The following GPR37 variants were observed in gnomAD, a reference collection of about 807,000 sequenced individuals.
The protein encoded by GPR37 is prosaposin receptor GPR37.
GPR37 carries 20 observed loss-of-function variants against 43.6 expected under a neutral mutation model. The ratio of observed to expected loss-of-function variants is 0.46; its 90% CI spans 0.32 to 0.67. GPR37 has a LOEUF of 0.67. GPR37 is among the 30% of genes least tolerant of loss of function. The pLI, the probability that GPR37 is intolerant of heterozygous loss-of-function variation, is 0.03. For missense variants in GPR37, 724 were observed against 797.2 expected (o/e 0.91, Z 1.11); for synonymous variants, 315 against 322.6 (o/e 0.98, Z 0.25).
chr7:124,758,627 A>G lies in GPR37; in HGVS notation c.1023+5327T>C, dbSNP rs570788935. ...TCTTGTCAGTGCTAGCTACAATCTA[A>G]GGCAATGAAAGAGCCATTTGTTCCA... is the stretch of plus-strand genomic sequence containing the variant. On this transcript the variant is annotated intron_variant, in intron 1 of 1. Coordinates refer to ENST00000303921, the MANE Select transcript of GPR37 (RefSeq NM_005302.5). 6.6e-5 allele frequency among the ~76,000 whole-genome samples: 10 copies of G among 152,356 alleles called. No individual in the cohort carries two copies. In the South Asian group the frequency reaches 1.9e-3, roughly 28 times the overall value.
At position 124,745,739 on chromosome 7, in the gene GPR37, G is replaced by C. The variant is rs1014990069; in HGVS notation, c.*786C>G. On this transcript the variant is annotated 3_prime_UTR_variant, in exon 2 of 2. Transcript: ENST00000303921. Reference sequence around the variant, plus strand: ...CTGTAGCTCTATGTGCTAGTTCAGAGGTGAATTTTTTAAAAAAGAAACTTT... The same window carrying C: ...CTGTAGCTCTATGTGCTAGTTCAGACGTGAATTTTTTAAAAAAGAAACTTT... 6.6e-6 allele frequency among the ~76,000 whole-genome samples: 1 copy of C among 151,988 alleles called. No homozygotes were observed. The highest frequency in any genetic ancestry group is 2.1e-4 in the South Asian group (1 of 4,824).
chr7:124,761,154 CAA>C (rs60967099), intron 1 of GPR37, among the ~76,000 whole-genome samples: 7,437 of 77,290 alleles, frequency 0.096, 196 homozygotes, highest in Middle Eastern at 0.13. Flanking sequence ...GACTCCGTCT[CAA>C]AAAAAAAAAA....
At chr7:124,755,855 G>A (rs1793785537) in intron 1 of GPR37, among the ~76,000 whole-genome samples, 1 of 151,986 alleles carries the variant, frequency 6.6e-6, no homozygotes, top group African/African-American at 2.4e-5. Flanking sequence ...CTTACCTTGG[G>A]GTTCTGATGA....
chr7:124,753,944 G>A (rs1793763289), intron 1 of GPR37, among the ~76,000 whole-genome samples: 1 of 152,016 alleles, frequency 6.6e-6, no homozygotes, highest in South Asian at 2.1e-4. Flanking sequence ...CGGTCAGTAA[G>A]TTACATGACA....
chr7:124,764,178 G>A lies in GPR37; in HGVS notation c.799C>T (p.Leu267=). ...ESYGAYAVMC[L]SVVIFGTGII... ...CCGGTCCCGAAGATCACCACGGACA[G>A]ACACATGACCGCGTAGGCTCCATAG... The change falls in exon 1 of 2, where the codon CTG becomes TTG. Residue 267 remains leucine, a synonymous_variant. Coordinates refer to ENST00000303921, the MANE Select transcript of GPR37 (RefSeq NM_005302.5). The surrounding 1 kb of genome is among the most constrained non-coding windows in gnomAD (Gnocchi z 5.4). 1 of 1,597,504 alleles carries A rather than the reference G, an allele frequency of 6.3e-7. No homozygotes were observed. The highest frequency in any genetic ancestry group is 8.5e-7 in the Non-Finnish European group (1 of 1,171,172).
Position 124,765,079 on chromosome 7 carries a change from C to A in GPR37, c.-103G>T, listed in dbSNP as rs1793904497. On this transcript the variant is annotated 5_prime_UTR_variant, in exon 1 of 2. Coordinates refer to ENST00000303921, the MANE Select transcript of GPR37 (RefSeq NM_005302.5). ...GAGTTAGGCACATGTCACATACTCA[C>A]CCCCGCCCGGGTAGCGGGGAACCGG... The A allele has an allele frequency of 9.0e-6, 10 of 1,113,158 alleles. No individual in the cohort carries two copies. The highest frequency in any genetic ancestry group is 6.0e-5 in the East Asian group (2 of 33,468). 69.0% of individuals were successfully genotyped at this position (1,113,158 alleles called of 1,614,324 possible). A position where few individuals can be genotyped will look rare whatever the true frequency, so the allele number is the denominator to read the frequency against.
chr7:124,760,622 A>C (rs73719044), intron 1 of GPR37, among the ~76,000 whole-genome samples: 17,824 of 152,218 alleles, frequency 0.12, 1,358 homozygotes, highest in African/African-American at 0.21. Flanking sequence ...GGATTAAAAA[A>C]AGAAAAAATT....
At chr7:124,760,501 A>G (rs1375660969) in intron 1 of GPR37, among the ~76,000 whole-genome samples, 2 of 152,238 alleles carry the variant, frequency 1.3e-5, no homozygotes, top group Non-Finnish European at 2.9e-5. Context: ...AAAAAATTTT[A>G]ATTAACTACC....
At position 124,746,888 on chromosome 7, in the gene GPR37, T is replaced by C. The variant is rs530322862; in HGVS notation, c.1479A>G (p.Thr493=). 14 of 1,614,110 alleles carry C rather than the reference T, an allele frequency of 8.7e-6. No individual in the cohort carries two copies. The Admixed American group carries it at 1.3e-4, about 15-fold the overall frequency. ...CATATAAAATGGTCAGTGCCACTAC[T>C]GTACAGTTCATCTGACTCTCTAGTT... ...QIQLESQMNC[T]VVALTILYGF... is the part of the protein sequence containing the mutation. Residue 493 remains threonine (T), a synonymous_variant, in exon 2 of 2, where the codon ACA becomes ACG. Coordinates refer to ENST00000303921, the MANE Select transcript of GPR37 (RefSeq NM_005302.5).
intron 1 of GPR37, among the ~76,000 whole-genome samples, chr7:124,754,727 G>A (rs1048631946): frequency 6.6e-5 from 10 of 152,042 alleles, no homozygotes; most frequent in Non-Finnish European, 5.9e-5. Context: ...CAAAACAAGG[G>A]CATTATTGTT....
chr7:124,754,458 A>T (rs1793769652), intron 1 of GPR37, among the ~76,000 whole-genome samples: 1 of 152,292 alleles, frequency 6.6e-6, no homozygotes, highest in Non-Finnish European at 1.5e-5. Flanking sequence ...TGTCTTTCGC[A>T]AAACTTTCCG....
At position 124,764,490 on chromosome 7, in the gene GPR37, C is replaced by G. The variant is rs1008617077; in HGVS notation, c.487G>C (p.Gly163Arg). Residue 163 changes from glycine to arginine, a missense_variant, in exon 1 of 2, where the codon GGG becomes CGG. Gly to Arg is a moderately radical substitution (Grantham distance 125, BLOSUM62 -2). This residue lies in a region of GPR37 where 382 missense variants were observed against 355.4 expected (regional missense o/e 1.07). Transcript: ENST00000303921. This position sits in a 1 kb window ranked among gnomAD's most constrained non-coding sequence, Gnocchi z 5.4. ...TTCACACTCTGCTCCTGGCTACGCCCGGAAATGCCAGCGCCTCTGGGACCC... is the reference window on the plus strand; with the variant it reads ...TTCACACTCTGCTCCTGGCTACGCCGGGAAATGCCAGCGCCTCTGGGACCC... ...EKGPRGAGIS[G>R]RSQEQSVKTV... 5 of 1,613,640 alleles carry G rather than the reference C, an allele frequency of 3.1e-6. No individual in the cohort carries two copies. The highest frequency in any genetic ancestry group is 4.2e-6 in the Non-Finnish European group (5 of 1,180,030).
chr7:124,747,878 A>G (rs1305361924), intron 1 of GPR37, among the ~76,000 whole-genome samples: 2 of 152,270 alleles, frequency 1.3e-5, no homozygotes, highest in South Asian at 4.1e-4. Flanking sequence ...AATGCAAAAT[A>G]AAGTATTACA....
chr7:124,754,952 G>T lies in GPR37; in HGVS notation c.1024-7609C>A, dbSNP rs12673697. ...GGGAGATACTTTTTTGAGCACAAGTGGGGGAACAAGTTTATCAGAGCCACT... is the reference window on the plus strand; with the variant it reads ...GGGAGATACTTTTTTGAGCACAAGTTGGGGAACAAGTTTATCAGAGCCACT... On this transcript the variant is annotated intron_variant, in intron 1 of 1. Transcript: ENST00000303921. Among the ~76,000 whole-genome samples the T allele has an allele frequency of 3.8e-3, 583 of 151,884 alleles. 9 individuals are homozygous for T. The highest frequency in any genetic ancestry group is 0.012 in the African/African-American group (514 of 41,430).
rs1245992855 is a variant in GPR37 at position 124,764,355 on chromosome 7, C to T, written c.622G>A (p.Glu208Lys). The change falls in exon 1 of 2, where the codon GAA (glutamate) becomes AAA (lysine). Residue 208 changes from glutamate (E) to lysine (K), a missense_variant. By Grantham distance (56) the Glu-to-Lys change is moderately conservative. Around this residue, in one of 2 missense-constraint regions of GPR37, gnomAD observed 382 missense variants for 355.4 expected, o/e 1.07. Coordinates refer to ENST00000303921, the MANE Select transcript of GPR37 (RefSeq NM_005302.5). This position sits in a 1 kb window ranked among gnomAD's most constrained non-coding sequence, Gnocchi z 5.4. ...SKTANGLAGHEGWTIALPGRA... is the reference protein window; with the variant it reads ...SKTANGLAGHKGWTIALPGRA... ...CCCGGGAGTGCAATTGTCCACCCTT[C>T]GTGCCCCGCCAGTCCATTGGCCGTC... is the stretch of plus-strand genomic sequence containing the variant. 1 of 1,613,120 alleles carries T rather than the reference C, an allele frequency of 6.2e-7. No individual in the cohort carries two copies. Among genetic ancestry groups the T allele is most frequent in the Admixed American group, 1.7e-5 (1 of 59,984 alleles).
rs1793905379 is a variant in GPR37 at position 124,765,129 on chromosome 7, G to C, written c.-153C>G. 1.9e-5 allele frequency: 12 copies of C among 623,660 alleles called. No individual in the cohort carries two copies. The Admixed American group carries it at 4.4e-4, about 23-fold the overall frequency. The allele number at this position is 623,660 out of a possible 1,614,324, so 38.6% of individuals were successfully genotyped here. ...GAGATTAGGGTGATAGCGGAAGATC[G>C]GTCTTGGGGGTCACACACACGCCCC... On this transcript the variant is annotated 5_prime_UTR_variant, in exon 1 of 2. Transcript: ENST00000303921.
At chr7:124,752,564 G>A (rs1189345354) in intron 1 of GPR37, among the ~76,000 whole-genome samples, 3 of 152,094 alleles carry the variant, frequency 2.0e-5, no homozygotes, top group African/African-American at 7.2e-5. Context: ...ATGTTTGCCT[G>A]GAGACTGCAG....
chr7:124,751,460 C>T (rs1448157972), intron 1 of GPR37, among the ~76,000 whole-genome samples: 2 of 152,186 alleles, frequency 1.3e-5, no homozygotes, highest in East Asian at 3.9e-4. Context: ...GTAGTAACTG[C>T]ACACCTCAGA....
At chr7:124,753,649 C>T (rs1034923080) in intron 1 of GPR37, among the ~76,000 whole-genome samples, 5 of 151,750 alleles carry the variant, frequency 3.3e-5, no homozygotes, top group African/African-American at 1.2e-4. Context: ...CAGAAAGAAA[C>T]CAACAAAAAA....
Sources: allele counts gnomAD v4.1 joint callset (sites outside exome capture counted in the v4.1 genomes callset), GRCh38; gene constraint gnomAD v4.1.1; regional missense constraint gnomAD v4.1.1; non-coding constraint Gnocchi (gnomAD v3.1); transcripts MANE v1.5; gene names NCBI Gene and HGNC (gene_info 2026-07-23, HGNC 2026-07-21).